The following PTPRM variants were observed in gnomAD, a reference collection of about 807,000 sequenced individuals.
PTPRM encodes the protein protein tyrosine phosphatase receptor type M, also known as receptor-type tyrosine-protein phosphatase mu.
Under a neutral mutation model 186.7 loss-of-function variants are expected in PTPRM, and 47 were observed. The ratio of observed to expected loss-of-function variants is 0.25; its 90% CI spans 0.20 to 0.32. The LOEUF is 0.32. Among genes scored for constraint, PTPRM ranks in the 10% least tolerant of loss-of-function variants. The probability of loss-of-function intolerance (pLI) is 1.00; values close to 1 mark genes in which losing one functional copy is unlikely to be tolerated. For synonymous variants in PTPRM, 668 were observed against 674.9 expected (o/e 0.99, Z 0.16); for missense variants, 1,494 against 1,865.0 (o/e 0.80, Z 3.66).
intron 1 of PTPRM, among the ~76,000 whole-genome samples, chr18:7,759,589 C>T (rs1568089041): frequency 6.6e-6 from 1 of 152,134 alleles, no homozygotes; most frequent in Non-Finnish European, 1.5e-5. Context: ...ATTTTCCACC[C>T]ACTTTTCATA....
At chr18:8,160,822 C>T (rs2093216859) in intron 14 of PTPRM, among the ~76,000 whole-genome samples, 3 of 152,162 alleles carry the variant, frequency 2.0e-5, no homozygotes, top group Non-Finnish European at 2.9e-5. Context: ...GTTTGATAAG[C>T]ATCTGTGATA....
At chr18:7,691,256 A>G (rs2039726476) in intron 1 of PTPRM, among the ~76,000 whole-genome samples, 1 of 152,210 alleles carries the variant, frequency 6.6e-6, no homozygotes, top group South Asian at 2.1e-4. Context: ...TGGGAACAGC[A>G]TGGAAATTTG....
chr18:8,092,151 C>T (rs906763682), intron 11 of PTPRM, among the ~76,000 whole-genome samples: 1 of 152,052 alleles, frequency 6.6e-6, no homozygotes, highest in African/African-American at 2.4e-5. Flanking sequence ...GTATTGATTT[C>T]CCTACAAACA....
intron 19 of PTPRM, among the ~76,000 whole-genome samples, chr18:8,292,195 T>TAAAA (rs1439589290): frequency 1.3e-5 from 2 of 152,210 alleles, no homozygotes; most frequent in East Asian, 3.8e-4. Context: ...ACAATTGGTT[T>TAAAA]TTGTCTCACT....
chr18:7,981,876 G>A (rs73383831), intron 7 of PTPRM, among the ~76,000 whole-genome samples: 7,967 of 152,182 alleles, frequency 0.052, 493 homozygotes, highest in African/African-American at 0.15. Context: ...ACATTGAAAC[G>A]TAGAAAAGGT....
intron 1 of PTPRM, among the ~76,000 whole-genome samples, chr18:7,652,763 G>T (rs1485252015): frequency 3.6e-5 from 4 of 112,634 alleles, no homozygotes; most frequent in Non-Finnish European, 5.2e-5. Context: ...TGGGGTGGGG[G>T]GAGGGGGGAG....
At chr18:7,993,887 AG>A (rs1037379846) in intron 7 of PTPRM, among the ~76,000 whole-genome samples, 2 of 152,158 alleles carry the variant, frequency 1.3e-5, no homozygotes, top group African/African-American at 2.4e-5. Flanking sequence ...AACATCAGAG[AG>A]GAAGAAATGA....
chr18:7,855,084 C>T (rs2047031972), intron 2 of PTPRM, among the ~76,000 whole-genome samples: 3 of 152,088 alleles, frequency 2.0e-5, no homozygotes, highest in Admixed American at 2.0e-4. Flanking sequence ...TTGAATATAT[C>T]TATTTTGAGT....
intron 1 of PTPRM, among the ~76,000 whole-genome samples, chr18:7,613,959 T>A (rs996331261): frequency 2.6e-5 from 4 of 152,324 alleles, no homozygotes; most frequent in Admixed American, 2.0e-4. Context: ...ACTGGGCTGC[T>A]AGATAGTTAT....
intron 1 of PTPRM, among the ~76,000 whole-genome samples, chr18:7,688,457 G>A (rs1191472983): frequency 6.6e-6 from 1 of 152,316 alleles, no homozygotes; most frequent in Admixed American, 6.5e-5. Context: ...TGAAGCTTTT[G>A]TCTATGAGTA....
chr18:8,382,340 G>T (rs146211312), intron 29 of PTPRM, among the ~76,000 whole-genome samples: 5 of 152,112 alleles, frequency 3.3e-5, no homozygotes, highest in Admixed American at 6.5e-5. Context: ...TCAGGAGCTT[G>T]AACTGAGAAA....
At chr18:7,599,886 T>C (rs1386602122) in intron 1 of PTPRM, among the ~76,000 whole-genome samples, 1 of 152,178 alleles carries the variant, frequency 6.6e-6, no homozygotes, top group African/African-American at 2.4e-5. Flanking sequence ...CTAGTTCTTT[T>C]GCTTAGGTGC....
intron 14 of PTPRM, among the ~76,000 whole-genome samples, chr18:8,239,094 A>T (rs112208470): frequency 0.13 from 18,851 of 146,788 alleles, 1,493 homozygotes; most frequent in Non-Finnish European, 0.18. Flanking sequence ...TGCTGCACCC[A>T]TTAACTCGTC....
intron 1 of PTPRM, among the ~76,000 whole-genome samples, chr18:7,690,831 A>G (rs1304459946): frequency 6.6e-6 from 1 of 152,236 alleles, no homozygotes; most frequent in Non-Finnish European, 1.5e-5. Context: ...TCAGAAATAA[A>G]GAGTTAGTAC....
chr18:7,776,573 A>G (rs969231871), intron 2 of PTPRM, among the ~76,000 whole-genome samples: 1 of 151,958 alleles, frequency 6.6e-6, no homozygotes, highest in Non-Finnish European at 1.5e-5. Flanking sequence ...TTGAGCCCCA[A>G]TGTATGCTAA....
At chr18:8,220,929 C>A (rs2094146253) in intron 14 of PTPRM, among the ~76,000 whole-genome samples, 1 of 152,166 alleles carries the variant, frequency 6.6e-6, no homozygotes, top group African/African-American at 2.4e-5. Context: ...AGGGCAGTTT[C>A]TTCATCAACA....
chr18:7,619,757 C>T (rs748378689), intron 1 of PTPRM, among the ~76,000 whole-genome samples: 3 of 152,122 alleles, frequency 2.0e-5, no homozygotes, highest in Non-Finnish European at 4.4e-5. Flanking sequence ...CACAAATATT[C>T]GGACTCTCCT....
rs1189186719 is a variant in PTPRM at position 7,608,943 on chromosome 18, T to A, written c.73+41052T>A. Among the ~76,000 whole-genome samples the A allele has an allele frequency of 8.3e-4, 127 of 152,146 alleles. 3 individuals carry two copies. Among genetic ancestry groups the A allele is most frequent in the Admixed American group, 8.3e-3 (126 of 15,272 alleles). ...ACCCCAGAAACATCTGGAAAACTCTTAAAGTGCAGGCTAGTCCCTGTGCAC... is the reference window on the plus strand; with the variant it reads ...ACCCCAGAAACATCTGGAAAACTCTAAAAGTGCAGGCTAGTCCCTGTGCAC... On this transcript the variant is annotated intron_variant, in intron 1 of 32. Coordinates refer to ENST00000580170, the MANE Select transcript of PTPRM (RefSeq NM_001105244.2).
chr18:8,321,653 A>G (rs1226204845), intron 22 of PTPRM, among the ~76,000 whole-genome samples: 1 of 152,204 alleles, frequency 6.6e-6, no homozygotes, highest in Admixed American at 6.5e-5. Flanking sequence ...TGCCCTGTTT[A>G]CCAGGTCGTG....
Sources: gnomAD v4.1 joint callset for allele counts (sites outside exome capture counted in the v4.1 genomes callset) on GRCh38, gnomAD v4.1.1 for gene constraint, MANE v1.5 for transcripts, NCBI Gene and HGNC (gene_info 2026-07-23, HGNC 2026-07-21) for gene names.